LSM6: variants seen among roughly 807,000 people sequenced by gnomAD.
LSM6 encodes LSM6 homolog, U6 small nuclear RNA and mRNA degradation associated, also known as U6 snRNA-associated Sm-like protein LSm6.
In LSM6, 2 loss-of-function variants were observed where a neutral mutation model predicts 13.5. The observed-to-expected ratio is 0.15, with a 90% CI of 0.06 to 0.47. LSM6 has a LOEUF of 0.47. Ranked by LOEUF, LSM6 falls within the 20% of genes least tolerant of loss-of-function variation. LSM6 has a pLI of 0.97. For synonymous variants in LSM6, 43 were observed against 34.9 expected, an observed-to-expected ratio of 1.23 and a Z score of -0.82; for missense variants, 58 against 96.4, an observed-to-expected ratio of 0.60 and a Z score of 1.67.
rs540133418 is a variant in LSM6 at position 146,189,606 on chromosome 4, A to G, written c.209-16A>G. 1.9e-6 allele frequency: 3 copies of G among 1,563,326 alleles called. No homozygotes were observed. The African/African-American group carries it at 4.1e-5, about 21-fold the overall frequency. On this transcript the variant is annotated splice_polypyrimidine_tract_variant and intron_variant, in intron 3 of 3. Transcript: ENST00000296581. ...GGGTTTTTTAAATTTCAATTTATGT[A>G]TTTTTTTCTTTTCAGTGTTGTACAT... is the stretch of plus-strand genomic sequence containing the variant.
intron 3 of LSM6, among the ~76,000 whole-genome samples, chr4:146,189,342 C>A (rs1044595187): frequency 6.6e-6 from 1 of 152,134 alleles, no homozygotes; most frequent in Non-Finnish European, 1.5e-5. Flanking sequence ...TCTTAGATAC[C>A]AGGGACTTTC....
intron 1 of LSM6, among the ~76,000 whole-genome samples, chr4:146,178,982 G>A (rs144015461): frequency 3.3e-5 from 5 of 152,250 alleles, no homozygotes; most frequent in African/African-American, 1.2e-4. Flanking sequence ...GCACATAGTT[G>A]GGTTAATAAA....
intron 1 of LSM6, 87 bp from the exon 2 acceptor site, chr4:146,182,825 G>GT (rs1242085671): frequency 2.6e-6 from 2 of 770,356 alleles, no homozygotes; most frequent in African/African-American, 1.7e-5. Flanking sequence ...TTCATTTTCT[G>GT]TAAGTATGTT....
At chr4:146,185,846 C>G (rs1341187442) in intron 2 of LSM6, among the ~76,000 whole-genome samples, 1 of 152,036 alleles carries the variant, frequency 6.6e-6, no homozygotes, top group Non-Finnish European at 1.5e-5. Flanking sequence ...AGACGATTCT[C>G]CTGCCTCAGC....
chr4:146,177,267 T>C (rs1201287147), intron 1 of LSM6, among the ~76,000 whole-genome samples: 2 of 152,204 alleles, frequency 1.3e-5, no homozygotes, highest in African/African-American at 4.8e-5. Flanking sequence ...TATCAGGCAG[T>C]CTCTCACTGA....
chr4:146,180,230 A>G lies in LSM6; in HGVS notation c.-10-2682A>G, dbSNP rs142666064. ...CTATCAGAATACACATCACCTTTGTAAAATTCTGCATTTACATGTTTCTTG... is the reference window on the plus strand; with the variant it reads ...CTATCAGAATACACATCACCTTTGTGAAATTCTGCATTTACATGTTTCTTG... On this transcript the variant is annotated intron_variant, in intron 1 of 3. Transcript: ENST00000296581. Among the ~76,000 whole-genome samples, 26 of 152,344 alleles carry G rather than the reference A, an allele frequency of 1.7e-4. No individual in the cohort carries two copies. The East Asian group carries it at 5.0e-3, about 29-fold the overall frequency.
At chr4:146,180,047 TACCC>T (rs1730198837) in intron 1 of LSM6, among the ~76,000 whole-genome samples, 1 of 152,246 alleles carries the variant, frequency 6.6e-6, no homozygotes, top group Non-Finnish European at 1.5e-5. Flanking sequence ...TTTTACGTTC[TACCC>T]AGACACTTGT....
chr4:146,177,408 C>G (rs1338734897), intron 1 of LSM6, among the ~76,000 whole-genome samples: 1 of 152,190 alleles, frequency 6.6e-6, no homozygotes, highest in African/African-American at 2.4e-5. Context: ...GGAAAGTGAT[C>G]ATTTTCATGG....
chr4:146,183,235 C>G lies in LSM6; in HGVS notation c.94+220C>G, dbSNP rs906857767. On this transcript the variant is annotated intron_variant, in intron 2 of 3. Transcript: ENST00000296581. ...CTGCCTTTCAGTGTGATTTGTGTGA[C>G]TTCTGTCTCCTGTCTCTGCTTTGAG... The G allele has an allele frequency of 1.4e-4, 57 of 415,600 alleles. No individual in the cohort carries two copies. The highest frequency in any genetic ancestry group is 1.1e-3 in the African/African-American group (54 of 49,382). The allele number at this position is 415,600 out of a possible 1,614,324, so 25.7% of individuals were successfully genotyped here. A position where few individuals can be genotyped will look rare whatever the true frequency, so the allele number is the denominator to read the frequency against.
intron 1 of LSM6, among the ~76,000 whole-genome samples, chr4:146,180,042 C>T (rs188395346): frequency 9.9e-5 from 15 of 152,242 alleles, no homozygotes; most frequent in Admixed American, 1.3e-4. Context: ...GTAGATTTTA[C>T]GTTCTACCCA....
chr4:146,176,153 G>C lies in LSM6; in HGVS notation c.-11+342G>C, dbSNP rs570030336. 4 of 152,430 alleles carry C rather than the reference G, an allele frequency of 2.6e-5. No homozygotes were observed. In the South Asian group the frequency reaches 8.3e-4, roughly 32 times the overall value. The allele number at this position is 152,430 out of a possible 1,614,324, so 9.4% of individuals were successfully genotyped here. A position where few individuals can be genotyped will look rare whatever the true frequency, so the allele number is the denominator to read the frequency against. On this transcript the variant is annotated intron_variant, in intron 1 of 3. Coordinates refer to ENST00000296581, the MANE Select transcript of LSM6 (RefSeq NM_007080.3). The stretch of plus-strand genomic sequence containing the variant: ...TTGGCGTCCGAGATCAATTCAGGTT[G>C]TTGAAGTTCCCCAGGGAGCCCCGAC...
Position 146,191,260 on chromosome 4 carries a change from C to T in LSM6, c.*1604C>T, listed in dbSNP as rs1175270868. 6.6e-6 allele frequency: 1 copy of T among 152,184 alleles called. No homozygotes were observed. Among genetic ancestry groups the T allele is most frequent in the Non-Finnish European group, 1.5e-5 (1 of 68,030 alleles). The allele number at this position is 152,184 out of a possible 1,614,324, so 9.4% of individuals were successfully genotyped here. A position where few individuals can be genotyped will look rare whatever the true frequency, so the allele number is the denominator to read the frequency against. ...CATTTGTTTTGTAGAATATGTGGGG[C>T]TGCAGGTTATTGTGTCCCTTCATTC... On this transcript the variant is annotated 3_prime_UTR_variant, in exon 4 of 4. Coordinates refer to ENST00000296581, the MANE Select transcript of LSM6 (RefSeq NM_007080.3).
intron 1 of LSM6, among the ~76,000 whole-genome samples, chr4:146,180,368 G>A (rs1730206570): frequency 6.6e-6 from 1 of 152,234 alleles, no homozygotes; most frequent in Non-Finnish European, 1.5e-5. Flanking sequence ...AGTGTTGATT[G>A]CCTTCAGGAA....
chr4:146,182,571 T>C (rs560038155), intron 1 of LSM6, among the ~76,000 whole-genome samples: 1 of 152,308 alleles, frequency 6.6e-6, no homozygotes, highest in African/African-American at 2.4e-5. Flanking sequence ...ATGGAAGTGG[T>C]AATGGTTGTA....
At chr4:146,179,244 A>T (rs1730179088) in intron 1 of LSM6, among the ~76,000 whole-genome samples, 1 of 152,216 alleles carries the variant, frequency 6.6e-6, no homozygotes, top group Non-Finnish European at 1.5e-5. Flanking sequence ...CCCTGAAGAA[A>T]GGTCTTTTTC....
At chr4:146,185,577 T>TTTTG (rs1235161138) in intron 2 of LSM6, among the ~76,000 whole-genome samples, 1 of 151,568 alleles carries the variant, frequency 6.6e-6, no homozygotes, top group Non-Finnish European at 1.5e-5. Context: ...AATGTCTTGT[T>TTTTG]TTTGGTTTTG....
intron 2 of LSM6, 151 bp from the exon 3 acceptor site, chr4:146,187,123 T>A (rs1324257105): frequency 1.7e-6 from 1 of 574,724 alleles, no homozygotes; most frequent in African/African-American, 1.9e-5. Flanking sequence ...TGTTTTGTGC[T>A]TAAGCTGTTG....
chr4:146,185,629 A>G (rs1249388219), intron 2 of LSM6, among the ~76,000 whole-genome samples: 1 of 149,574 alleles, frequency 6.7e-6, no homozygotes, highest in South Asian at 2.1e-4. Context: ...TGTATTTCTA[A>G]CCCCCTGGGC....
intron 2 of LSM6, 116 bp from the exon 3 acceptor site, chr4:146,187,158 T>C (rs992792901): frequency 1.7e-6 from 1 of 596,856 alleles, no homozygotes. Context: ...TGTGAATTTT[T>C]ATATTAAGCA....
Sources: allele counts gnomAD v4.1 joint callset (sites outside exome capture counted in the v4.1 genomes callset), GRCh38; gene constraint gnomAD v4.1.1; transcripts MANE v1.5; gene names NCBI Gene and HGNC (gene_info 2026-07-23, HGNC 2026-07-21).